SLC35G1: variants seen among roughly 807,000 people sequenced by gnomAD.
The protein encoded by SLC35G1 is partner of STIM1.
SLC35G1 carries 10 observed loss-of-function variants against 17.1 expected under a neutral mutation model. That is an observed-to-expected ratio of 0.59 (90% CI 0.36 to 0.99). The LOEUF is 0.99. SLC35G1 is among the 50% of genes least tolerant of loss of function. SLC35G1 has a pLI of 0.01. For synonymous variants in SLC35G1, 185 were observed against 181.1 expected, an observed-to-expected ratio of 1.02 and a Z score of -0.18; for missense variants, 433 against 468.4, an observed-to-expected ratio of 0.92 and a Z score of 0.70.
At chr10:93,896,242 C>T (rs2060328800) in intron 1 of SLC35G1, among the ~76,000 whole-genome samples, 1 of 152,140 alleles carries the variant, frequency 6.6e-6, no homozygotes, top group Non-Finnish European at 1.5e-5. Flanking sequence ...GAGATCCTCC[C>T]ACCTTGTCCT....
At position 93,903,003 on chromosome 10, in the gene SLC35G1, ATCT is replaced by A. The variant is rs2060403852; in HGVS notation, c.*1515_*1517del. ...TGTGTCAGATGAAGCATCTGTCATTATCTTAAGCCTGCAGAGTTGAAAGGTTAT... is the reference window on the plus strand; with the variant it reads ...TGTGTCAGATGAAGCATCTGTCATTATAAGCCTGCAGAGTTGAAAGGTTAT... On this transcript the variant is annotated 3_prime_UTR_variant, in exon 3 of 3. Transcript: ENST00000427197. 6.6e-6 allele frequency: 1 copy of A among 152,186 alleles called. No homozygotes were observed. The highest frequency in any genetic ancestry group is 1.5e-5 in the Non-Finnish European group (1 of 68,018). The allele number at this position is 152,186 out of a possible 1,614,324, so 9.4% of individuals were successfully genotyped here. A position where few individuals can be genotyped will look rare whatever the true frequency, so the allele number is the denominator to read the frequency against.
chr10:93,901,200 C>G lies in SLC35G1; in HGVS notation c.808C>G (p.Leu270Val). The stretch of plus-strand genomic sequence containing the variant: ...TGGCCTCGTTGAAAGTGTCATCATC[C>G]TCTCTGTATTAGGAGAGTGGAGTCT... Reference protein sequence around the residue: ...VLGLVESVIILSVLGEWSLPY... With the variant: ...VLGLVESVIIVSVLGEWSLPY... The change falls in exon 3 of 3, where the codon CTC (leucine) becomes GTC (valine). Residue 270 changes from leucine to valine, a missense_variant. Leu to Val is a conservative substitution (Grantham distance 32). Transcript: ENST00000427197. 1 of 1,614,054 alleles carries G rather than the reference C, an allele frequency of 6.2e-7. No homozygotes were observed. The highest frequency in any genetic ancestry group is 8.5e-7 in the Non-Finnish European group (1 of 1,179,966).
intron 2 of SLC35G1, among the ~76,000 whole-genome samples, chr10:93,900,153 G>A (rs1272596768): frequency 6.6e-6 from 1 of 152,130 alleles, no homozygotes; most frequent in Non-Finnish European, 1.5e-5. Context: ...TTTTCAGTGT[G>A]TTTTGACTCT....
At chr10:93,906,526 A>G (rs1390918654), downstream of SLC35G1, 4 of 152,314 alleles carry the variant, frequency 2.6e-5, no homozygotes, top group Non-Finnish European at 2.9e-5. Context: ...GAAACCAGTT[A>G]TTACTGTTTT....
chr10:93,900,675 A>G, intron 2 of SLC35G1, 77 bp from the exon 3 acceptor site: 1 of 1,225,470 alleles, frequency 8.2e-7, no homozygotes, highest in Non-Finnish European at 1.1e-6. Flanking sequence ...CTTTTAAAAT[A>G]ATGTTTAATT....
At chr10:93,894,398 C>G (rs759710759) in intron 1 of SLC35G1, among the ~76,000 whole-genome samples, 187 bp downstream of exon 1, 3 of 152,108 alleles carry the variant, frequency 2.0e-5, no homozygotes, top group South Asian at 2.1e-4. Flanking sequence ...GCGCCCCAGC[C>G]GGCGCTAAGA....
intron 1 of SLC35G1, among the ~76,000 whole-genome samples, chr10:93,896,051 C>T (rs889943886): frequency 3.3e-5 from 5 of 151,104 alleles, no homozygotes; most frequent in African/African-American, 9.8e-5. Flanking sequence ...GGTGCATTGG[C>T]GTGATCACAG....
exon 3 of SLC35G1, chr10:93,909,287 C>T (rs1475878177): frequency 6.6e-6 from 1 of 152,064 alleles, no homozygotes; most frequent in African/African-American, 2.4e-5. Flanking sequence ...GTCTTATTCT[C>T]AAAACCCTGG....
downstream of SLC35G1, among the ~76,000 whole-genome samples, chr10:93,903,988 GA>G (rs1455005490): frequency 5.9e-5 from 9 of 152,086 alleles, no homozygotes; most frequent in Non-Finnish European, 1.2e-4. Context: ...AGGGTCAGAT[GA>G]ACAGTGTAAT....
downstream of SLC35G1, chr10:93,908,289 CTGAT>C (rs2060439989): frequency 6.6e-6 from 1 of 152,192 alleles, no homozygotes; most frequent in East Asian, 1.9e-4. Context: ...GGGAGATAGA[CTGAT>C]TGGGAACTGA....
intron 1 of SLC35G1, among the ~76,000 whole-genome samples, chr10:93,894,985 T>C (rs932528181): frequency 1.3e-5 from 2 of 152,194 alleles, no homozygotes; most frequent in African/African-American, 4.8e-5. Context: ...GATCCCAGCT[T>C]GCCATATACC....
exon 3 of SLC35G1, chr10:93,909,435 A>G (rs1007204247): frequency 2.6e-5 from 4 of 151,534 alleles, no homozygotes; most frequent in Non-Finnish European, 5.9e-5. Flanking sequence ...TTTGCATCCT[A>G]ATTAATAATA....
chr10:93,894,112 G>A lies in SLC35G1; in HGVS notation c.79G>A (p.Ala27Thr). Reference protein sequence around the residue: ...LPLTDDAPPGATEEPAAAEAA... With the variant: ...LPLTDDAPPGTTEEPAAAEAA... Reference sequence around the variant, plus strand: ...GCTAACGGACGATGCACCCCCGGGCGCCACTGAGGAGCCGGCGGCCGCCGA... The same window carrying A: ...GCTAACGGACGATGCACCCCCGGGCACCACTGAGGAGCCGGCGGCCGCCGA... The change falls in exon 1 of 3, where the codon GCC becomes ACC. Residue 27 changes from alanine to threonine, a missense_variant. By Grantham distance (58) the Ala-to-Thr change is moderately conservative. Transcript: ENST00000427197. 6.7e-7 allele frequency: 1 copy of A among 1,487,606 alleles called. No homozygotes were observed. Among genetic ancestry groups the A allele is most frequent in the Non-Finnish European group, 8.9e-7 (1 of 1,126,468 alleles). 92.2% of individuals were successfully genotyped at this position (1,487,606 alleles called of 1,614,324 possible).
In SLC35G1 at chr10:93,894,117, T is replaced by A. The variant is rs2060304852; in HGVS notation, c.84T>A (p.Thr28=). 6.7e-7 allele frequency: 1 copy of A among 1,486,762 alleles called. No individual in the cohort carries two copies. The highest frequency in any genetic ancestry group is 8.9e-7 in the Non-Finnish European group (1 of 1,126,142). The allele number at this position is 1,486,762 out of a possible 1,614,324, so 92.1% of individuals were successfully genotyped here. A position where few individuals can be genotyped will look rare whatever the true frequency, so the allele number is the denominator to read the frequency against. Residue 28 remains threonine (T), a synonymous_variant, in exon 1 of 3, where the codon ACT becomes ACA. Transcript: ENST00000427197. ...PLTDDAPPGA[T]EEPAAAEAAG... ...CGGACGATGCACCCCCGGGCGCCAC[T>A]GAGGAGCCGGCGGCCGCCGAGGCAG...
intron 2 of SLC35G1, 129 bp downstream of exon 2, chr10:93,898,880 C>G: frequency 1.1e-6 from 1 of 897,650 alleles, no homozygotes; most frequent in Non-Finnish European, 1.6e-6. Flanking sequence ...CTTGGCTCTG[C>G]TTAATGAAAA....
At chr10:93,898,486 CTG>C (rs1188139736) in intron 1 of SLC35G1, 83 bp from the exon 2 acceptor site, 1 of 1,358,484 alleles carries the variant, frequency 7.4e-7, no homozygotes, top group African/African-American at 1.5e-5. Context: ...ACCTTTGACA[CTG>C]TTCCATTTTT....
intron 2 of SLC35G1, among the ~76,000 whole-genome samples, chr10:93,899,858 A>G (rs1274458060): frequency 1.3e-5 from 2 of 152,228 alleles, no homozygotes; most frequent in East Asian, 3.8e-4. Flanking sequence ...ACACTGGAAG[A>G]ATGTTGTTAA....
Position 93,900,908 on chromosome 10 carries a change from A to G in SLC35G1, c.516A>G (p.Ile172Met), listed in dbSNP as rs868339488. Residue 172 changes from isoleucine (I) to methionine (M), a missense_variant, in exon 3 of 3, where the codon ATA (isoleucine) becomes ATG (methionine). Ile to Met is a conservative substitution (Grantham distance 10). Transcript: ENST00000427197. ...ITFSSPVFTS[I>M]FAWICLKEKY... The stretch of plus-strand genomic sequence containing the variant: ...TTAGCAGTCCAGTGTTTACGTCCAT[A>G]TTTGCTTGGATATGTCTCAAGGAAA... 1.2e-6 allele frequency: 2 copies of G among 1,613,886 alleles called. No homozygotes were observed. The highest frequency in any genetic ancestry group is 1.7e-6 in the Non-Finnish European group (2 of 1,179,952).
intron 1 of SLC35G1, 39 bp from the exon 2 acceptor site, chr10:93,898,532 C>A (rs766130745): frequency 2.5e-6 from 4 of 1,572,702 alleles, no homozygotes; most frequent in Non-Finnish European, 3.4e-6. Flanking sequence ...AACACATACA[C>A]TTGGAAGCAA....
Sources: allele counts gnomAD v4.1 joint callset (sites outside exome capture counted in the v4.1 genomes callset), GRCh38; gene constraint gnomAD v4.1.1; transcripts MANE v1.5; gene names NCBI Gene and HGNC (gene_info 2026-07-23, HGNC 2026-07-21).